LSM3: variants seen among roughly 807,000 people sequenced by gnomAD.
LSM3 encodes U6 snRNA-associated Sm-like protein LSm3.
A neutral mutation model predicts 15.4 loss-of-function variants in LSM3; 14 were observed. That is an observed-to-expected ratio of 0.91 (90% CI 0.60 to 1.42). LSM3 has a LOEUF of 1.42. Among genes scored for constraint, LSM3 ranks in the 40% most tolerant of loss-of-function variants. The pLI is 0.00. For missense variants in LSM3, 88 were observed against 127.9 expected, an observed-to-expected ratio of 0.69 and a Z score of 1.50; for synonymous variants, 46 against 45.1, an observed-to-expected ratio of 1.02 and a Z score of -0.08.
In LSM3 at chr3:14,198,060, C is replaced by T. The variant is rs531761320; in HGVS notation, c.253C>T (p.Leu85Phe). 2.5e-6 allele frequency: 4 copies of T among 1,613,692 alleles called. No individual in the cohort carries two copies. Among genetic ancestry groups the T allele is most frequent in the Admixed American group, 3.3e-5 (2 of 59,988 alleles). Residue 85 changes from leucine to phenylalanine, a missense_variant, in exon 4 of 4, where the codon CTC becomes TTC. By Grantham distance (22) the Leu-to-Phe change is conservative (BLOSUM62 0). Coordinates refer to ENST00000306024, the MANE Select transcript of LSM3 (RefSeq NM_014463.3). ...YKSTKRNIPM[L>F]FVRGDGVVLV... ...GTCAACGAAACGGAATATTCCAATG[C>T]TCTTTGTCCGGGGAGATGGCGTTGT...
At chr3:14,197,317 A>G (rs1349876925) in intron 3 of LSM3, among the ~76,000 whole-genome samples, 1 of 152,230 alleles carries the variant, frequency 6.6e-6, no homozygotes. Flanking sequence ...CTCTTCTCCC[A>G]GAGCTCGTGA....
At chr3:14,194,674 A>C (rs941741468) in intron 3 of LSM3, among the ~76,000 whole-genome samples, 4 of 151,356 alleles carry the variant, frequency 2.6e-5, no homozygotes, top group African/African-American at 9.7e-5. Context: ...CTTGTCACCT[A>C]TCAGACACAC....
intron 2 of LSM3, 34 bp from the exon 3 acceptor site, chr3:14,183,903 T>A (rs1235359749): frequency 1.3e-6 from 2 of 1,491,180 alleles, no homozygotes; most frequent in Admixed American, 4.3e-5. Flanking sequence ...AATTTGATTA[T>A]TAAATTTCTT....
At chr3:14,190,196 T>A (rs1362958086) in intron 3 of LSM3, among the ~76,000 whole-genome samples, 1 of 152,246 alleles carries the variant, frequency 6.6e-6, no homozygotes, top group Non-Finnish European at 1.5e-5. Flanking sequence ...TTTTGGTTAC[T>A]GTAGCCTTGT....
At position 14,184,013 on chromosome 3, in the gene LSM3, CAT is replaced by C. The variant is rs763633511; in HGVS notation, c.212_213del (p.Tyr71Ter). 37 of 1,608,020 alleles carry C rather than the reference CAT, an allele frequency of 2.3e-5. No homozygotes were observed. The highest frequency in any genetic ancestry group is 5.1e-5 in the Admixed American group (3 of 59,078). ...ACTACTATAGAAATTGATGAAGAAA[CAT>C]ATGAAGAGATATATAAAGTAAGTCA... On this transcript the variant is annotated frameshift_variant, in exon 3 of 4. Transcript: ENST00000306024. LOFTEE classifies it high-confidence loss of function.
At chr3:14,186,272 C>T (rs147143283) in intron 3 of LSM3, among the ~76,000 whole-genome samples, 108 of 152,364 alleles carry the variant, frequency 7.1e-4, no homozygotes, top group African/African-American at 2.5e-3. Context: ...GCTCAGAGTA[C>T]AAGACTACAT....
Position 14,200,008 on chromosome 3 carries a change from C to G in LSM3, c.*1892C>G, listed in dbSNP as rs746164668. 5 of 152,248 alleles carry G rather than the reference C, an allele frequency of 3.3e-5. No homozygotes were observed. Among genetic ancestry groups the G allele is most frequent in the Non-Finnish European group, 5.9e-5 (4 of 68,050 alleles). The allele number at this position is 152,248 out of a possible 1,614,324, so 9.4% of individuals were successfully genotyped here. The stretch of plus-strand genomic sequence containing the variant: ...TTTTTAGTGGTTTCTGATAGTCACA[C>G]TGAATTCCTGGACACTTTCTTCTCT... On this transcript the variant is annotated 3_prime_UTR_variant, in exon 4 of 4. Coordinates refer to ENST00000306024, the MANE Select transcript of LSM3 (RefSeq NM_014463.3).
At chr3:14,189,132 T>G (rs1291537592) in intron 3 of LSM3, among the ~76,000 whole-genome samples, 2 of 152,204 alleles carry the variant, frequency 1.3e-5, no homozygotes, top group Non-Finnish European at 2.9e-5. Context: ...GGACATGAAC[T>G]CCTCCTTTTT....
chr3:14,187,917 A>G (rs1697103800), intron 3 of LSM3, among the ~76,000 whole-genome samples: 1 of 152,282 alleles, frequency 6.6e-6, no homozygotes, highest in South Asian at 2.1e-4. Flanking sequence ...GACCCAGACT[A>G]CTTTTTCGGC....
At chr3:14,186,130 C>T (rs942346261) in intron 3 of LSM3, among the ~76,000 whole-genome samples, 2 of 152,146 alleles carry the variant, frequency 1.3e-5, no homozygotes, top group Non-Finnish European at 2.9e-5. Flanking sequence ...AGGCTGGTCT[C>T]GAACTCCTGG....
chr3:14,180,417 T>A (rs969876783), intron 1 of LSM3, among the ~76,000 whole-genome samples: 5 of 152,006 alleles, frequency 3.3e-5, no homozygotes, highest in Non-Finnish European at 5.9e-5. Flanking sequence ...GCCTCCCAAG[T>A]AGCTGGGACT....
intron 3 of LSM3, among the ~76,000 whole-genome samples, chr3:14,195,729 G>T (rs1021488721): frequency 7.2e-5 from 11 of 152,160 alleles, no homozygotes; most frequent in African/African-American, 2.7e-4. Context: ...CCACATTCAT[G>T]GAACTGTTGT....
chr3:14,181,708 C>A (rs771213229), intron 2 of LSM3, 38 bp downstream of exon 2: 1 of 1,378,414 alleles, frequency 7.3e-7, no homozygotes, highest in South Asian at 1.2e-5. Flanking sequence ...AATCAGATTC[C>A]TTCCTACCCC....
intron 1 of LSM3, among the ~76,000 whole-genome samples, chr3:14,179,854 A>C (rs1697002232): frequency 6.6e-6 from 1 of 152,236 alleles, no homozygotes; most frequent in Admixed American, 6.5e-5. Context: ...CTTAGGTAGC[A>C]GTAGGGCTTT....
chr3:14,186,536 C>A (rs944957979), intron 3 of LSM3, among the ~76,000 whole-genome samples: 3 of 152,246 alleles, frequency 2.0e-5, no homozygotes, highest in Admixed American at 1.3e-4. Flanking sequence ...TCTCTGACCA[C>A]ACCTGACTCC....
At chr3:14,180,349 C>T (rs887809810) in intron 1 of LSM3, among the ~76,000 whole-genome samples, 3 of 151,766 alleles carry the variant, frequency 2.0e-5, no homozygotes, top group Admixed American at 1.3e-4. Context: ...AGTGCAGTGG[C>T]GTGATCTCAG....
At chr3:14,197,173 C>T (rs558176842) in intron 3 of LSM3, among the ~76,000 whole-genome samples, 2 of 152,308 alleles carry the variant, frequency 1.3e-5, no homozygotes, top group South Asian at 4.1e-4. Flanking sequence ...GCTTTTCTAA[C>T]CCTGTGAATC....
In LSM3 at chr3:14,180,436, G is replaced by C. The variant is rs377085191; in HGVS notation, c.22-1124G>C. Among the ~76,000 whole-genome samples the C allele has an allele frequency of 2.0e-3, 309 of 151,914 alleles. 1 individual carries two copies. Among genetic ancestry groups the C allele is most frequent in the Non-Finnish European group, 3.4e-3 (232 of 67,944 alleles). On this transcript the variant is annotated intron_variant, in intron 1 of 3. Coordinates refer to ENST00000306024, the MANE Select transcript of LSM3 (RefSeq NM_014463.3). ...CCCAAGTAGCTGGGACTACAGGTGC[G>C]TGCCGCCACACCTGGCTAATTTTTG...
chr3:14,178,822 G>A lies in LSM3; in HGVS notation c.-39G>A, dbSNP rs373084868. 4 of 1,613,790 alleles carry A rather than the reference G, an allele frequency of 2.5e-6. No homozygotes were observed. The African/African-American group carries it at 4.0e-5, about 16-fold the overall frequency. On this transcript the variant is annotated 5_prime_UTR_variant, in exon 1 of 4. Transcript: ENST00000306024. ...TTCCGGAGATTGACGTTGCTCTTGT[G>A]TTCTCGCGAGAGGCGGGAAAGGGCG...
Sources: gnomAD v4.1 joint callset for allele counts (sites outside exome capture counted in the v4.1 genomes callset) on GRCh38, gnomAD v4.1.1 for gene constraint, MANE v1.5 for transcripts, NCBI Gene and HGNC (gene_info 2026-07-23, HGNC 2026-07-21) for gene names.